TAFA2: variants seen among roughly 807,000 people sequenced by gnomAD.
TAFA2 encodes chemokine-like protein TAFA-2.
A neutral mutation model predicts 18.8 loss-of-function variants in TAFA2; 7 were observed. That is an observed-to-expected ratio of 0.37 (90% CI 0.21 to 0.70). The LOEUF (loss-of-function observed/expected upper bound fraction) is 0.70, where lower values mean the gene tolerates loss of function less well. Ranked by LOEUF, TAFA2 falls within the 30% of genes least tolerant of loss-of-function variation. TAFA2 has a pLI of 0.53. For synonymous variants in TAFA2, 60 were observed against 54.2 expected, an observed-to-expected ratio of 1.11 and a Z score of -0.47; for missense variants, 122 against 158.1, an observed-to-expected ratio of 0.77 and a Z score of 1.23.
chr12:62,177,539 A>T (rs2062522058), intron 1 of TAFA2, among the ~76,000 whole-genome samples: 2 of 152,364 alleles, frequency 1.3e-5, no homozygotes, highest in South Asian at 4.1e-4. Flanking sequence ...TGCTAACAGT[A>T]CACTAATGAC....
chr12:61,841,712 T>C (rs1303787046), intron 2 of TAFA2, among the ~76,000 whole-genome samples: 3 of 152,056 alleles, frequency 2.0e-5, no homozygotes, highest in African/African-American at 2.4e-5. Flanking sequence ...AATTGCATTG[T>C]ATTATATATT....
chr12:61,993,619 C>G (rs184472696), intron 1 of TAFA2, among the ~76,000 whole-genome samples: 1 of 152,106 alleles, frequency 6.6e-6, no homozygotes, highest in Non-Finnish European at 1.5e-5. Flanking sequence ...GCCATAAGAG[C>G]ACAAAGAGTA....
chr12:61,974,004 G>A (rs1047306189), intron 1 of TAFA2, among the ~76,000 whole-genome samples: 2 of 151,658 alleles, frequency 1.3e-5, no homozygotes, highest in Admixed American at 6.6e-5. Context: ...AAAAAAAGAA[G>A]GAACAGGAAT....
chr12:61,827,600 T>A, intron 2 of TAFA2, among the ~76,000 whole-genome samples: 1 of 151,940 alleles, frequency 6.6e-6, no homozygotes, highest in East Asian at 1.9e-4. Flanking sequence ...TAGTCATGAA[T>A]AAAGGAGATA....
At position 62,022,278 on chromosome 12, in the gene TAFA2, G is replaced by A. The variant is rs75386400; in HGVS notation, c.-1-154852C>T. The A allele has an allele frequency of 9.8e-3, 2,147 of 218,144 alleles. 16 individuals carry two copies. Among genetic ancestry groups the A allele is most frequent in the Non-Finnish European group, 0.015 (1,621 of 107,646 alleles). The allele number at this position is 218,144 out of a possible 1,614,324, so 13.5% of individuals were successfully genotyped here. ...TTCCAATTTCATACTGAAGGCAACGGCAAGCCTTTGATGGGTTTTAAGAAG... is the reference window on the plus strand; with the variant it reads ...TTCCAATTTCATACTGAAGGCAACGACAAGCCTTTGATGGGTTTTAAGAAG... On this transcript the variant is annotated intron_variant, in intron 1 of 4. Transcript: ENST00000416284.
At chr12:61,754,218 G>C (rs375788178) in intron 3 of TAFA2, among the ~76,000 whole-genome samples, 3 of 151,664 alleles carry the variant, frequency 2.0e-5, no homozygotes, top group East Asian at 1.9e-4. Context: ...GTTATCAGGA[G>C]GGTGTTTATC....
chr12:62,251,152 C>A (rs574760571), intron 1 of TAFA2, among the ~76,000 whole-genome samples: 5 of 152,218 alleles, frequency 3.3e-5, no homozygotes, highest in African/African-American at 1.2e-4. Context: ...AGCAGGTAGT[C>A]ATGTAATTGT....
intron 1 of TAFA2, among the ~76,000 whole-genome samples, chr12:62,250,491 T>C (rs1037846383): frequency 2.0e-5 from 3 of 152,132 alleles, no homozygotes; most frequent in African/African-American, 7.2e-5. Flanking sequence ...TTTCTGTACA[T>C]ATAGATGTGT....
At chr12:62,102,866 C>G (rs1281036897) in intron 1 of TAFA2, among the ~76,000 whole-genome samples, 1 of 152,234 alleles carries the variant, frequency 6.6e-6, no homozygotes, top group African/African-American at 2.4e-5. Flanking sequence ...GACTCTAGGG[C>G]TGTCCTGAGC....
rs1474221989 is a variant in TAFA2, at chr12:62,044,978, C to T, written c.-2+146281G>A. 3.3e-5 allele frequency among the ~76,000 whole-genome samples: 5 copies of T among 152,208 alleles called. No individual in the cohort carries two copies. In the East Asian group the frequency reaches 7.7e-4, roughly 24 times the overall value. On this transcript the variant is annotated intron_variant, in intron 1 of 4. Transcript: ENST00000416284. ...GCCCTTGGAAAATCACTGTGCCTGA[C>T]ATTTTAAGGCCCTGGATACCAAAGA...
intron 1 of TAFA2, among the ~76,000 whole-genome samples, chr12:62,146,286 T>TTA (rs1457021237): frequency 9.2e-6 from 1 of 108,416 alleles, no homozygotes; most frequent in Non-Finnish European, 2.1e-5. Context: ...CTTTGCTGCT[T>TTA]TTTTTTTTTT....
Position 61,936,056 on chromosome 12 carries a change from G to A in TAFA2, c.-1-68630C>T, listed in dbSNP as rs74614274. 1.9e-3 allele frequency among the ~76,000 whole-genome samples: 295 copies of A among 152,032 alleles called. 5 individuals carry two copies. In the East Asian group the frequency reaches 0.039, roughly 20 times the overall value. On this transcript the variant is annotated intron_variant, in intron 1 of 4. Transcript: ENST00000416284. ...ACCAGGAAAGGACATAATGAAAAAAGAAAATCACAGTCCAATATCCTCATC... is the reference window on the plus strand; with the variant it reads ...ACCAGGAAAGGACATAATGAAAAAAAAAAATCACAGTCCAATATCCTCATC...
chr12:61,786,643 C>T (rs370405146), intron 2 of TAFA2, among the ~76,000 whole-genome samples: 1 of 151,084 alleles, frequency 6.6e-6, no homozygotes, highest in Non-Finnish European at 1.5e-5. Context: ...TAAAAACAAC[C>T]AAGGTTGAAC....
At chr12:62,238,511 A>T (rs2136988297) in intron 1 of TAFA2, among the ~76,000 whole-genome samples, 1 of 152,284 alleles carries the variant, frequency 6.6e-6, no homozygotes, top group East Asian at 1.9e-4. Context: ...CTGAGTTAGG[A>T]ACTATTATGT....
intron 4 of TAFA2, among the ~76,000 whole-genome samples, chr12:61,713,335 C>A (rs1333839082): frequency 6.6e-6 from 1 of 152,136 alleles, no homozygotes; most frequent in Non-Finnish European, 1.5e-5. Context: ...TCTTCCACAA[C>A]GTGTCTGTGC....
chr12:61,962,370 T>C (rs1435932071), intron 1 of TAFA2, among the ~76,000 whole-genome samples: 2 of 151,980 alleles, frequency 1.3e-5, no homozygotes, highest in Non-Finnish European at 2.9e-5. Flanking sequence ...GGTGCTCAAA[T>C]GCATGTAACT....
At position 62,036,030 on chromosome 12, in the gene TAFA2, G is replaced by A. The variant is rs376100163; in HGVS notation, c.-2+155229C>T. 2.0e-5 allele frequency among the ~76,000 whole-genome samples: 3 copies of A among 151,874 alleles called. No homozygotes were observed. The East Asian group carries it at 5.8e-4, about 29-fold the overall frequency. Reference sequence around the variant, plus strand: ...GCTGGGATTACAGGCGTGAGCCACCGCGCCCGGCCAATGATTCTTTCTTTT... The same window carrying A: ...GCTGGGATTACAGGCGTGAGCCACCACGCCCGGCCAATGATTCTTTCTTTT... On this transcript the variant is annotated intron_variant, in intron 1 of 4. Transcript: ENST00000416284.
chr12:61,894,149 C>T (rs1356921601), intron 1 of TAFA2, among the ~76,000 whole-genome samples: 4 of 152,134 alleles, frequency 2.6e-5, no homozygotes, highest in Non-Finnish European at 5.9e-5. Flanking sequence ...CTTAGTTTCC[C>T]TATATGAACC....
At chr12:61,896,172 C>A (rs1875834846) in intron 1 of TAFA2, among the ~76,000 whole-genome samples, 1 of 152,182 alleles carries the variant, frequency 6.6e-6, no homozygotes, top group South Asian at 2.1e-4. Flanking sequence ...AAAGCCAGTT[C>A]TTTATTTTTG....
Sources: gnomAD v4.1 joint callset for allele counts (sites outside exome capture counted in the v4.1 genomes callset) on GRCh38, gnomAD v4.1.1 for gene constraint, MANE v1.5 for transcripts, NCBI Gene and HGNC (gene_info 2026-07-23, HGNC 2026-07-21) for gene names.